TRIM2: variants seen among roughly 807,000 people sequenced by gnomAD.
The protein encoded by TRIM2 is tripartite motif-containing protein 2.
TRIM2 carries 20 observed loss-of-function variants against 75.2 expected under a neutral mutation model. The ratio of observed to expected loss-of-function variants is 0.27; its 90% confidence interval spans 0.19 to 0.39. The LOEUF (loss-of-function observed/expected upper bound fraction) is 0.39, where lower values mean the gene tolerates loss of function less well. Among genes scored for constraint, TRIM2 ranks in the 10% least tolerant of loss-of-function variants. The probability of loss-of-function intolerance (pLI) is 1.00; values close to 1 mark genes in which losing one functional copy is unlikely to be tolerated. For synonymous variants in TRIM2, 373 were observed against 388.3 expected (o/e 0.96, Z 0.46); for missense variants, 660 against 990.8 (o/e 0.67, Z 4.48).
intron 1 of TRIM2, chr4:153,156,794 C>G (rs1474195921): frequency 6.6e-6 from 1 of 152,242 alleles, no homozygotes; most frequent in Non-Finnish European, 1.5e-5. Context: ...TCTGCATAGA[C>G]AAGACTATCT....
chr4:153,168,495 C>A (rs990082133), intron 1 of TRIM2, among the ~76,000 whole-genome samples: 3 of 151,812 alleles, frequency 2.0e-5, no homozygotes, highest in Non-Finnish European at 4.4e-5. Flanking sequence ...AGGCAGTGAC[C>A]AAAGGCAGGC....
intron 1 of TRIM2, chr4:153,257,345 C>A: frequency 9.7e-7 from 1 of 1,026,162 alleles, no homozygotes; most frequent in South Asian, 2.5e-5. Context: ...TGCTGCATCC[C>A]TATCCCATAA....
chr4:153,159,140 C>T (rs966490084), intron 1 of TRIM2, among the ~76,000 whole-genome samples: 1 of 151,990 alleles, frequency 6.6e-6, no homozygotes, highest in Non-Finnish European at 1.5e-5. Flanking sequence ...TTTTTCAGGA[C>T]AAAGACATAA....
intron 1 of TRIM2, among the ~76,000 whole-genome samples, chr4:153,255,774 A>G (rs957807642): frequency 6.6e-6 from 1 of 152,274 alleles, no homozygotes; most frequent in Admixed American, 6.5e-5. Context: ...AGCCATACAA[A>G]GGAACGAAAT....
chr4:153,239,582 G>C (rs1003507715), intron 1 of TRIM2, among the ~76,000 whole-genome samples: 1 of 152,162 alleles, frequency 6.6e-6, no homozygotes, highest in African/African-American at 2.4e-5. Flanking sequence ...CTAGTAAGCA[G>C]TTGCATCATC....
intron 1 of TRIM2, among the ~76,000 whole-genome samples, chr4:153,187,726 T>C (rs908723474): frequency 3.9e-5 from 6 of 152,060 alleles, no homozygotes; most frequent in Non-Finnish European, 8.8e-5. Context: ...GGGAAGTCTG[T>C]GTGAGGTAGA....
intron 1 of TRIM2, among the ~76,000 whole-genome samples, chr4:153,215,309 A>G (rs1471869132): frequency 6.6e-6 from 1 of 152,060 alleles, no homozygotes; most frequent in African/African-American, 2.4e-5. Context: ...GAATCCCTAC[A>G]TTGGAAACCC....
At position 153,248,708 on chromosome 4, in the gene TRIM2, A is replaced by C. The variant is rs1188963431; in HGVS notation, c.31-21627A>C. Reference sequence around the variant, plus strand: ...TTCTGACTTTCATCATAGGATTCTAATCGTGGATGAAAGTGACCCTGAGTT... The same window carrying C: ...TTCTGACTTTCATCATAGGATTCTACTCGTGGATGAAAGTGACCCTGAGTT... On this transcript the variant is annotated intron_variant, in intron 1 of 11. Transcript: ENST00000338700. This position sits in a 1 kb window ranked among gnomAD's most constrained non-coding sequence, Gnocchi z 4.0. 6.6e-6 allele frequency among the ~76,000 whole-genome samples: 1 copy of C among 152,224 alleles called. No individual in the cohort carries two copies. The highest frequency in any genetic ancestry group is 1.5e-5 in the Non-Finnish European group (1 of 68,036).
intron 1 of TRIM2, among the ~76,000 whole-genome samples, chr4:153,225,301 G>A (rs922021256): frequency 2.0e-5 from 3 of 152,158 alleles, no homozygotes; most frequent in African/African-American, 4.8e-5. Context: ...ATGCTGGCGG[G>A]TCAGCACCTG....
chr4:153,171,255 T>C (rs1730818178), intron 1 of TRIM2, among the ~76,000 whole-genome samples: 1 of 152,164 alleles, frequency 6.6e-6, no homozygotes, highest in South Asian at 2.1e-4. Flanking sequence ...CCCTCACAAA[T>C]CCTACCAGCA....
At chr4:153,298,921 T>C (rs971556912) in intron 6 of TRIM2, among the ~76,000 whole-genome samples, 20 of 151,994 alleles carry the variant, frequency 1.3e-4, no homozygotes, top group African/African-American at 4.8e-4. Flanking sequence ...TGTTTTTTTT[T>C]AGGGGTTGGG....
Position 153,338,855 on chromosome 4 carries a change from G to A in TRIM2, c.*3889G>A. The A allele has an allele frequency of 1.0e-6, 1 of 985,564 alleles. No individual in the cohort carries two copies. The highest frequency in any genetic ancestry group is 4.7e-5 in the South Asian group (1 of 21,262). 61.1% of individuals were successfully genotyped at this position (985,564 alleles called of 1,614,324 possible). ...CTCAATGCTTTTGCTTTATGACATG[G>A]GAATGTTCTGTCATCAATGGAGTGT... On this transcript the variant is annotated 3_prime_UTR_variant, in exon 12 of 12. Transcript: ENST00000338700.
chr4:153,171,349 G>GC (rs1299850618), intron 1 of TRIM2, among the ~76,000 whole-genome samples: 1 of 152,224 alleles, frequency 6.6e-6, no homozygotes, highest in East Asian at 1.9e-4. Context: ...AATCTGGGAG[G>GC]CTGAGGCAGG....
In TRIM2 at chr4:153,273,270, C is replaced by CTTTTTTTTTTTTTTTTTTTT. The variant is rs72414117; in HGVS notation, c.216-2619_216-2600dup. ...ACTCAGTGAGCACCTTACAGTCACT[C>CTTTTTTTTTTTTTTTTTTTT]TTTTTTTTTTTTTTTTTTTTTTTGA... On this transcript the variant is annotated intron_variant, in intron 2 of 11. Coordinates refer to ENST00000338700, the MANE Select transcript of TRIM2 (RefSeq NM_015271.5). Among the ~76,000 whole-genome samples, 126 of 57,386 alleles carry CTTTTTTTTTTTTTTTTTTTT rather than the reference C, an allele frequency of 2.2e-3. 18 individuals are homozygous for CTTTTTTTTTTTTTTTTTTTT. Among genetic ancestry groups the CTTTTTTTTTTTTTTTTTTTT allele is most frequent in the African/African-American group, 2.7e-3 (39 of 14,306 alleles). The allele number at this position is 57,386 out of a possible 152,430, so 37.6% of individuals were successfully genotyped here. A position where few individuals can be genotyped will look rare whatever the true frequency, so the allele number is the denominator to read the frequency against.
chr4:153,214,717 G>A (rs188920030), intron 1 of TRIM2, among the ~76,000 whole-genome samples: 34 of 152,296 alleles, frequency 2.2e-4, no homozygotes, highest in African/African-American at 7.0e-4. Flanking sequence ...GTACCAAGAG[G>A]TGTTGTTAGC....
chr4:153,237,598 T>G (rs920515901), intron 1 of TRIM2, among the ~76,000 whole-genome samples: 8 of 152,052 alleles, frequency 5.3e-5, no homozygotes, highest in Admixed American at 2.0e-4. Flanking sequence ...GAGAATCACT[T>G]GAACTCAGGA....
At chr4:153,307,928 C>T in intron 6 of TRIM2, 2 of 754,186 alleles carry the variant, frequency 2.7e-6, no homozygotes, top group South Asian at 1.4e-5. Context: ...TCCCCATGCC[C>T]ATTATGGAGT....
At chr4:153,197,110 C>T (rs1451562218) in intron 1 of TRIM2, among the ~76,000 whole-genome samples, 9 of 152,208 alleles carry the variant, frequency 5.9e-5, no homozygotes, top group Admixed American at 5.2e-4. Context: ...TGTCTGACTA[C>T]ATATGAAACT....
chr4:153,204,443 G>T lies in TRIM2; in HGVS notation c.-88G>T. ...TTTAGTAAGGGCCACCCTTTAACTC[G>T]GCAGCTTGATGACTATAATGGGCCC... On this transcript the variant is annotated 5_prime_UTR_variant, in exon 1 of 12. Transcript: ENST00000338700. 1.3e-6 allele frequency: 2 copies of T among 1,487,340 alleles called. No individual in the cohort carries two copies. Among genetic ancestry groups the T allele is most frequent in the Middle Eastern group, 1.9e-4 (1 of 5,194 alleles). 92.1% of individuals were successfully genotyped at this position (1,487,340 alleles called of 1,614,324 possible).
Sources: gnomAD v4.1 joint callset for allele counts (sites outside exome capture counted in the v4.1 genomes callset) on GRCh38, gnomAD v4.1.1 for gene constraint, Gnocchi (gnomAD v3.1) non-coding constraint, MANE v1.5 for transcripts, NCBI Gene and HGNC (gene_info 2026-07-23, HGNC 2026-07-21) for gene names.